Variants in ATP11A observed in about 807,000 individuals in gnomAD.
ATP11A encodes the protein phospholipid-transporting ATPase IH.
Under a neutral mutation model 154.4 loss-of-function variants are expected in ATP11A, and 81 were observed. The ratio of observed to expected loss-of-function variants is 0.52; its 90% CI spans 0.44 to 0.63. The LOEUF (loss-of-function observed/expected upper bound fraction) is 0.63, where lower values mean the gene tolerates loss of function less well. ATP11A is among the 30% of genes least tolerant of loss of function. ATP11A has a pLI of 0.00. For missense variants in ATP11A, 1,316 were observed against 1,474.3 expected (o/e 0.89, Z 1.76); for synonymous variants, 623 against 585.9 (o/e 1.06, Z -0.91).
At chr13:112,833,125 C>T in intron 14 of ATP11A, 102 bp downstream of exon 14, 1 of 1,432,692 alleles carries the variant, frequency 7.0e-7, no homozygotes, top group Non-Finnish European at 9.5e-7. Flanking sequence ...CAGCCCCACC[C>T]TGTGCCCTCC....
rs113821436 is a variant in ATP11A at position 112,883,154 on chromosome 13, C to T, written c.*1288C>T. The T allele has an allele frequency of 3.2e-4, 128 of 397,434 alleles. No homozygotes were observed. Among genetic ancestry groups the T allele is most frequent in the African/African-American group, 2.3e-3 (110 of 48,590 alleles). 24.6% of individuals were successfully genotyped at this position (397,434 alleles called of 1,614,324 possible). ...CCCACGTCCTCTCGTCCCCTTGTCC[C>T]GTCCCCACATACCCTCGTCCCCATG... On this transcript the variant is annotated 3_prime_UTR_variant, in exon 30 of 30. Transcript: ENST00000375645.
chr13:112,697,756 T>C lies in ATP11A; in HGVS notation c.39+7301T>C, dbSNP rs1240525675. ...TTTTTTTTTTTTTTTTTTTTTTTAG[T>C]AGAGATGGGGTTTCACCATATTGGC... On this transcript the variant is annotated intron_variant, in intron 1 of 29. Transcript: ENST00000375645. The surrounding 1 kb of genome is among the most constrained non-coding windows in gnomAD (Gnocchi z 4.0). Among the ~76,000 whole-genome samples the C allele has an allele frequency of 1.5e-5, 2 of 132,546 alleles. No individual in the cohort carries two copies. The highest frequency in any genetic ancestry group is 3.2e-5 in the Non-Finnish European group (2 of 62,920). The allele number at this position is 132,546 out of a possible 152,430, so 87.0% of individuals were successfully genotyped here. A position where few individuals can be genotyped will look rare whatever the true frequency, so the allele number is the denominator to read the frequency against.
chr13:112,831,747 G>GT (rs1197090836), intron 13 of ATP11A, among the ~76,000 whole-genome samples, 199 bp downstream of exon 13: 1 of 152,242 alleles, frequency 6.6e-6, no homozygotes, highest in Non-Finnish European at 1.5e-5. Context: ...GTTAGAATTG[G>GT]TTATGAAAAC....
At chr13:112,872,869 C>G (rs1626260) in intron 26 of ATP11A, among the ~76,000 whole-genome samples, 25,894 of 30,610 alleles carry the variant, frequency 0.85, 11,052 homozygotes, top group South Asian at 0.96. Flanking sequence ...GCAGTGTGAG[C>G]TGTGGCTTTG....
chr13:112,855,973 T>C lies in ATP11A; in HGVS notation c.2306T>C (p.Met769Thr), dbSNP rs779578772. Residue 769 changes from methionine (M) to threonine (T), a missense_variant, in exon 20 of 30, where the codon ATG becomes ACG. Met to Thr is a moderately conservative substitution (Grantham distance 81). This residue lies in a region of ATP11A where 876 missense variants were observed against 1,006.8 expected (regional missense o/e 0.87). Coordinates refer to ENST00000375645, the MANE Select transcript of ATP11A (RefSeq NM_015205.3). ...GACGGAGCTGCACTGTCTCTGATAA[T>C]GAAGCCTCGAGAAGACGGGAGTTCC... ...IIDGAALSLI[M>T]KPREDGSSGN... 1.9e-6 allele frequency: 3 copies of C among 1,614,228 alleles called. No homozygotes were observed. The highest frequency in any genetic ancestry group is 2.5e-6 in the Non-Finnish European group (3 of 1,180,038).
At chr13:112,770,452 G>A (rs968075596) in intron 1 of ATP11A, among the ~76,000 whole-genome samples, 1 of 152,212 alleles carries the variant, frequency 6.6e-6, no homozygotes, top group Non-Finnish European at 1.5e-5. Flanking sequence ...CCATGAGTGT[G>A]ACGAGAGTGG....
chr13:112,778,220 G>A (rs1438483418), intron 1 of ATP11A, among the ~76,000 whole-genome samples: 2 of 152,382 alleles, frequency 1.3e-5, no homozygotes, highest in Non-Finnish European at 2.9e-5. Flanking sequence ...AGGCCTTGCA[G>A]CCTCCACGTG....
chr13:112,715,407 A>C (rs1888317754), intron 1 of ATP11A, among the ~76,000 whole-genome samples: 1 of 46,396 alleles, frequency 2.2e-5, no homozygotes, highest in Non-Finnish European at 3.9e-5. Flanking sequence ...CACCTGGCCC[A>C]CCTCCCCACA....
chr13:112,811,268 C>T (rs900204910), intron 5 of ATP11A, among the ~76,000 whole-genome samples: 10 of 150,582 alleles, frequency 6.6e-5, no homozygotes, highest in African/African-American at 2.2e-4. Context: ...ATCACTGCCC[C>T]CATCCCCACA....
intron 2 of ATP11A, among the ~76,000 whole-genome samples, chr13:112,797,284 CAAAAAAA>C (rs34154413): frequency 1.1e-3 from 40 of 36,280 alleles, no homozygotes; most frequent in African/African-American, 3.6e-3. Context: ...AACTCCATCT[CAAAAAAA>C]AAAAAAAAAA....
intron 17 of ATP11A, among the ~76,000 whole-genome samples, chr13:112,845,328 A>T (rs1351075265): frequency 8.6e-6 from 1 of 116,538 alleles, no homozygotes. Flanking sequence ...AGTTGCCGGC[A>T]CTATCGGTAC....
At chr13:112,703,941 C>T (rs1226282133) in intron 1 of ATP11A, among the ~76,000 whole-genome samples, 1 of 152,188 alleles carries the variant, frequency 6.6e-6, no homozygotes, top group Non-Finnish European at 1.5e-5. Context: ...TGATCTGGTT[C>T]TTCCAGTAAA....
intron 24 of ATP11A, 150 bp from the exon 25 acceptor site, chr13:112,862,290 A>G (rs973491757): frequency 6.5e-6 from 6 of 922,540 alleles, no homozygotes; most frequent in Non-Finnish European, 9.6e-6. Flanking sequence ...AACATGCCAC[A>G]TTTGTGGCCA....
chr13:112,878,337 G>A (rs760433701), intron 29 of ATP11A, 34 bp downstream of exon 29: 1 of 1,605,732 alleles, frequency 6.2e-7, no homozygotes, highest in South Asian at 1.1e-5. Context: ...CACCTGGGAT[G>A]GTAGACACGG....
At position 112,810,613 on chromosome 13, in the gene ATP11A, T is replaced by A. The variant is rs41288626; in HGVS notation, c.334-6T>A. The stretch of plus-strand genomic sequence containing the variant: ...CCTCTCTCCCTTCTTTCCTTCCTTT[T>A]TTTAGGGTTATGAAGACTGGCTTCG... On this transcript the variant is annotated splice_region_variant and splice_polypyrimidine_tract_variant and intron_variant, in intron 4 of 29. Transcript: ENST00000375645. The A allele has an allele frequency of 7.1e-3, 11,395 of 1,612,874 alleles. 55 individuals are homozygous for A. The highest frequency in any genetic ancestry group is 0.012 in the Middle Eastern group (75 of 6,058).
At chr13:112,763,109 C>T (rs34658917) in intron 1 of ATP11A, among the ~76,000 whole-genome samples, 11,296 of 152,340 alleles carry the variant, frequency 0.074, 452 homozygotes, top group Middle Eastern at 0.11. Context: ...CTTCTTCCTT[C>T]GTGATAATTT....
chr13:112,804,898 T>C lies in ATP11A; in HGVS notation c.163-59T>C. 9 of 1,069,504 alleles carry C rather than the reference T, an allele frequency of 8.4e-6. No individual in the cohort carries two copies. In the South Asian group the frequency reaches 1.0e-4, roughly 12 times the overall value. 66.3% of individuals were successfully genotyped at this position (1,069,504 alleles called of 1,614,324 possible). On this transcript the variant is annotated intron_variant, in intron 2 of 29. Coordinates refer to ENST00000375645, the MANE Select transcript of ATP11A (RefSeq NM_015205.3). ...CAGTGCTACTTACTATGCCCTAGAGTAACACTACAAGAGTAAAATCTGATC... is the reference window on the plus strand; with the variant it reads ...CAGTGCTACTTACTATGCCCTAGAGCAACACTACAAGAGTAAAATCTGATC...
chr13:112,730,648 G>A (rs765546234), intron 1 of ATP11A, among the ~76,000 whole-genome samples: 11 of 152,184 alleles, frequency 7.2e-5, no homozygotes, highest in Non-Finnish European at 1.5e-4. Flanking sequence ...GTGAAATTGC[G>A]CCCTTCTGGA....
intron 7 of ATP11A, 41 bp from the exon 8 acceptor site, chr13:112,819,859 C>T: frequency 6.2e-7 from 1 of 1,613,056 alleles, no homozygotes; most frequent in Non-Finnish European, 8.5e-7. Context: ...CCGGGGGCCG[C>T]TGGGCGCGTC....
Sources: allele counts gnomAD v4.1 joint callset (sites outside exome capture counted in the v4.1 genomes callset), GRCh38; gene constraint gnomAD v4.1.1; regional missense constraint gnomAD v4.1.1; non-coding constraint Gnocchi (gnomAD v3.1); transcripts MANE v1.5; gene names NCBI Gene and HGNC (gene_info 2026-07-23, HGNC 2026-07-21).